SHLD1: variants seen among roughly 807,000 people sequenced by gnomAD.
The protein encoded by SHLD1 is shieldin complex subunit 1.
A neutral mutation model predicts 5.5 loss-of-function variants in SHLD1; 3 were observed. The observed-to-expected ratio is 0.54, with a 90% confidence interval of 0.25 to 1.40. The LOEUF (loss-of-function observed/expected upper bound fraction) is 1.40. Among genes scored for constraint, SHLD1 ranks in the 40% most tolerant of loss-of-function variants. SHLD1 has a pLI of 0.15. For missense variants in SHLD1, 210 were observed against 244.4 expected, an observed-to-expected ratio of 0.86 and a Z score of 0.94; for synonymous variants, 92 against 94.3, an observed-to-expected ratio of 0.98 and a Z score of 0.14.
rs771299411 is a variant in SHLD1 at position 5,806,798 on chromosome 20, C to T, written c.178+33755C>T. Among the ~76,000 whole-genome samples the T allele has an allele frequency of 2.0e-5, 3 of 152,188 alleles. No homozygotes were observed. Among genetic ancestry groups the T allele is most frequent in the South Asian group, 2.1e-4 (1 of 4,826 alleles). On this transcript the variant is annotated intron_variant, in intron 2 of 2. Coordinates refer to ENST00000303142, the MANE Select transcript of SHLD1 (RefSeq NM_152504.4). This position sits in a 1 kb window ranked among gnomAD's most constrained non-coding sequence, Gnocchi z 7.6. ...TTTACATCCTGTGTTGTTGTTTCTC[C>T]GCACCCAAGGGATGTGAACAGAGTG... is the stretch of plus-strand genomic sequence containing the variant.
At position 5,834,137 on chromosome 20, in the gene SHLD1, C is replaced by T. The variant is rs1025218038; in HGVS notation, c.179-28887C>T. On this transcript the variant is annotated intron_variant, in intron 2 of 2. Coordinates refer to ENST00000303142, the MANE Select transcript of SHLD1 (RefSeq NM_152504.4). Reference sequence around the variant, plus strand: ...GTGCTCAATTTTGGGGAAAGCAGATCGGGAGCTACCATTCCTGTCTGAGCC... The same window carrying T: ...GTGCTCAATTTTGGGGAAAGCAGATTGGGAGCTACCATTCCTGTCTGAGCC... Among the ~76,000 whole-genome samples the T allele has an allele frequency of 7.9e-5, 12 of 152,140 alleles. No homozygotes were observed. In the East Asian group the frequency reaches 1.2e-3, roughly 15 times the overall value.
At chr20:5,784,168 AAAG>A (rs1367765587) in intron 2 of SHLD1, among the ~76,000 whole-genome samples, 1 of 151,346 alleles carries the variant, frequency 6.6e-6, no homozygotes, top group East Asian at 1.9e-4. Flanking sequence ...AAAAAAGAAA[AAAG>A]AAAACCACAG....
At chr20:5,763,831 G>A (rs955877878) in intron 1 of SHLD1, among the ~76,000 whole-genome samples, 14 of 151,458 alleles carry the variant, frequency 9.2e-5, no homozygotes, top group African/African-American at 3.2e-4. Flanking sequence ...GAAACTGGCC[G>A]GGCGCAATGG....
At chr20:5,785,134 C>A (rs548159869) in intron 2 of SHLD1, among the ~76,000 whole-genome samples, 2 of 152,296 alleles carry the variant, frequency 1.3e-5, no homozygotes, top group Non-Finnish European at 2.9e-5. Flanking sequence ...GGCCATAAGA[C>A]CCCCATTTCA....
chr20:5,838,871 T>C (rs992556171), intron 2 of SHLD1, among the ~76,000 whole-genome samples: 5 of 152,254 alleles, frequency 3.3e-5, no homozygotes, highest in Non-Finnish European at 7.3e-5. Flanking sequence ...ATTTGATTAA[T>C]ATTAAATTTT....
intron 2 of SHLD1, among the ~76,000 whole-genome samples, chr20:5,830,649 T>C (rs905327224): frequency 9.4e-5 from 14 of 149,668 alleles, no homozygotes; most frequent in African/African-American, 3.5e-4. Flanking sequence ...GATTGCGCCA[T>C]TGCACTCCAG....
chr20:5,787,822 G>T (rs2122294036), intron 2 of SHLD1, among the ~76,000 whole-genome samples: 1 of 152,304 alleles, frequency 6.6e-6, no homozygotes, highest in African/African-American at 2.4e-5. Flanking sequence ...AAAGCTCTGT[G>T]TGATCTGTGT....
chr20:5,793,288 T>C (rs1010612805), intron 2 of SHLD1, among the ~76,000 whole-genome samples: 3 of 152,216 alleles, frequency 2.0e-5, no homozygotes, highest in Non-Finnish European at 1.5e-5. Context: ...CCTATAAATA[T>C]ATTTTAGTGT....
At position 5,813,185 on chromosome 20, in the gene SHLD1, C is replaced by T. The variant is rs185124738; in HGVS notation, c.178+40142C>T. 3.0e-4 allele frequency among the ~76,000 whole-genome samples: 45 copies of T among 151,234 alleles called. No homozygotes were observed. The East Asian group carries it at 7.4e-3, about 25-fold the overall frequency. Reference sequence around the variant, plus strand: ...GTCACCATGCCTGGTCTTTAAAGGGCTTTTTAAATTCTAGTTCTTTGGCTG... The same window carrying T: ...GTCACCATGCCTGGTCTTTAAAGGGTTTTTTAAATTCTAGTTCTTTGGCTG... On this transcript the variant is annotated intron_variant, in intron 2 of 2. Transcript: ENST00000303142.
At chr20:5,804,748 T>A (rs2087349398) in intron 2 of SHLD1, among the ~76,000 whole-genome samples, 1 of 152,224 alleles carries the variant, frequency 6.6e-6, no homozygotes, top group South Asian at 2.1e-4. Flanking sequence ...GAGCCTCTTG[T>A]TCAATTTTGC....
At chr20:5,857,691 G>A (rs1037138550) in intron 2 of SHLD1, among the ~76,000 whole-genome samples, 8 of 151,958 alleles carry the variant, frequency 5.3e-5, no homozygotes, top group Admixed American at 1.3e-4. Context: ...TGCACCTGTA[G>A]ACCCAGCTAC....
intron 1 of SHLD1, chr20:5,771,863 CTTTTTTTTTTTTTT>C (rs34145480): frequency 7.6e-5 from 6 of 79,406 alleles, no homozygotes; most frequent in Admixed American, 2.1e-4. Flanking sequence ...GAACTTTTAC[CTTTTTTTTTTTTTT>C]TTTTTTTTTT....
chr20:5,799,532 C>A (rs958334484), intron 2 of SHLD1, among the ~76,000 whole-genome samples: 8 of 140,734 alleles, frequency 5.7e-5, no homozygotes, highest in African/African-American at 8.1e-5. Context: ...AGGCTGGTCT[C>A]AAAACTCCTG....
chr20:5,750,879 T>C (rs76343872), intron 1 of SHLD1, among the ~76,000 whole-genome samples: 1,855 of 152,196 alleles, frequency 0.012, 33 homozygotes, highest in African/African-American at 0.041. Flanking sequence ...CGCCTGTAGT[T>C]CCAGCTGCTC....
chr20:5,821,512 A>G (rs1356366661), intron 2 of SHLD1, among the ~76,000 whole-genome samples: 1 of 152,162 alleles, frequency 6.6e-6, no homozygotes, highest in Admixed American at 6.5e-5. Context: ...ACTCTATCTC[A>G]AAACAAAACA....
chr20:5,841,170 AGTGTGTGTGT>A (rs11469039), intron 2 of SHLD1, among the ~76,000 whole-genome samples: 70 of 146,402 alleles, frequency 4.8e-4, no homozygotes, highest in African/African-American at 1.6e-3. Context: ...GAAAATAGCG[AGTGTGTGTGT>A]GTGTGTGTGT....
intron 2 of SHLD1, among the ~76,000 whole-genome samples, chr20:5,846,532 A>G (rs996622583): frequency 1.3e-5 from 2 of 152,260 alleles, no homozygotes; most frequent in Admixed American, 6.5e-5. Context: ...AGGCAAGGAT[A>G]TGAAACAAAT....
At chr20:5,809,655 A>C (rs1028465280) in intron 2 of SHLD1, among the ~76,000 whole-genome samples, 2 of 151,866 alleles carry the variant, frequency 1.3e-5, no homozygotes, top group South Asian at 4.2e-4. Flanking sequence ...TTTCCTCTAC[A>C]CCATTGGTTC....
chr20:5,786,924 G>T (rs1169986414), intron 2 of SHLD1, among the ~76,000 whole-genome samples: 1 of 152,002 alleles, frequency 6.6e-6, no homozygotes, highest in African/African-American at 2.4e-5. Context: ...GAATTGGCAG[G>T]ATCCTCTCAT....
Sources: gnomAD v4.1 joint callset for allele counts (sites outside exome capture counted in the v4.1 genomes callset) on GRCh38, gnomAD v4.1.1 for gene constraint, Gnocchi (gnomAD v3.1) non-coding constraint, MANE v1.5 for transcripts, NCBI Gene and HGNC (gene_info 2026-07-23, HGNC 2026-07-21) for gene names.